Variants in SGIP1 observed in about 807,000 individuals in gnomAD.
SGIP1 encodes SH3-containing GRB2-like protein 3-interacting protein 1.
SGIP1 carries 38 observed loss-of-function variants against 107.5 expected under a neutral mutation model. The ratio of observed to expected loss-of-function variants is 0.35; its 90% CI spans 0.27 to 0.46. The LOEUF is 0.46. Ranked by LOEUF, SGIP1 falls within the 20% of genes least tolerant of loss-of-function variation. The pLI is 1.00. For synonymous variants in SGIP1, 365 were observed against 366.1 expected (o/e 1.00, Z 0.03); for missense variants, 929 against 1,019.5 (o/e 0.91, Z 1.21).
In SGIP1 at chr1:66,694,810, G is replaced by A. The variant is rs558525324; in HGVS notation, c.1571-624G>A. ...TTTAACTGCTCAGAATTACATGTCCGGTCACTGCTTTTTAATTTAAAAAAT... is the reference window on the plus strand; with the variant it reads ...TTTAACTGCTCAGAATTACATGTCCAGTCACTGCTTTTTAATTTAAAAAAT... On this transcript the variant is annotated intron_variant, in intron 17 of 24. Coordinates refer to ENST00000371037, the MANE Select transcript of SGIP1 (RefSeq NM_032291.4). 3.9e-5 allele frequency: 12 copies of A among 308,066 alleles called. No individual in the cohort carries two copies. In the South Asian group the frequency reaches 6.0e-4, roughly 15 times the overall value. 19.1% of individuals were successfully genotyped at this position (308,066 alleles called of 1,614,324 possible). A position where few individuals can be genotyped will look rare whatever the true frequency, so the allele number is the denominator to read the frequency against.
chr1:66,582,812 A>C (rs1230477345), intron 1 of SGIP1, among the ~76,000 whole-genome samples: 1 of 151,904 alleles, frequency 6.6e-6, no homozygotes, highest in Non-Finnish European at 1.5e-5. Context: ...TGAACAATTT[A>C]GGATTTTGTT....
intron 1 of SGIP1, among the ~76,000 whole-genome samples, chr1:66,597,611 T>C (rs755678829): frequency 6.6e-6 from 1 of 152,172 alleles, no homozygotes; most frequent in Non-Finnish European, 1.5e-5. Context: ...GCACAGAATT[T>C]TCTGAAGATC....
intron 24 of SGIP1, among the ~76,000 whole-genome samples, chr1:66,742,056 C>T (rs1011776251): frequency 6.6e-6 from 1 of 152,134 alleles, no homozygotes; most frequent in Admixed American, 6.5e-5. Flanking sequence ...GGTGAGCCAC[C>T]GCACCCAGCC....
At chr1:66,675,145 C>T (rs953677206) in intron 12 of SGIP1, among the ~76,000 whole-genome samples, 3 of 152,144 alleles carry the variant, frequency 2.0e-5, no homozygotes, top group Admixed American at 2.0e-4. Context: ...CCTACATCTG[C>T]CCGTTTAAGG....
At chr1:66,692,984 C>T (rs80181689) in intron 17 of SGIP1, among the ~76,000 whole-genome samples, 3,121 of 152,120 alleles carry the variant, frequency 0.021, 99 homozygotes, top group African/African-American at 0.071. Context: ...AAGACACCCT[C>T]GATTGAAAAA....
intron 19 of SGIP1, 44 bp from the exon 20 acceptor site, chr1:66,729,220 C>A: frequency 6.3e-7 from 1 of 1,598,694 alleles, no homozygotes; most frequent in Non-Finnish European, 8.5e-7. Flanking sequence ...AGTGTATTGA[C>A]ATGGATTTTC....
intron 21 of SGIP1, among the ~76,000 whole-genome samples, chr1:66,737,604 A>T (rs1380864338): frequency 2.0e-5 from 3 of 152,188 alleles, no homozygotes; most frequent in Admixed American, 2.0e-4. Context: ...CTGGCCACTG[A>T]CCTCAGGTGC....
At chr1:66,640,152 A>G (rs2076508122) in intron 5 of SGIP1, among the ~76,000 whole-genome samples, 1 of 152,162 alleles carries the variant, frequency 6.6e-6, no homozygotes, top group Non-Finnish European at 1.5e-5. Context: ...GGGAAGCCAA[A>G]AGATTGGACA....
intron 24 of SGIP1, among the ~76,000 whole-genome samples, chr1:66,742,370 A>C (rs1416209726): frequency 2.1e-5 from 3 of 144,250 alleles, no homozygotes; most frequent in African/African-American, 7.7e-5. Context: ...TGGTTTTTTT[A>C]TGTCTATTGT....
intron 17 of SGIP1, 96 bp downstream of exon 17, chr1:66,690,412 TTGTTTTGCTGTG>T (rs1571876746): frequency 3.9e-6 from 6 of 1,532,744 alleles, no homozygotes; most frequent in Non-Finnish European, 5.3e-6. Context: ...CTGGTTGAAA[TTGTTTTGCTGTG>T]TGTTTTGCTA....
intron 13 of SGIP1, among the ~76,000 whole-genome samples, chr1:66,679,069 G>A (rs1321635458): frequency 6.6e-6 from 1 of 152,232 alleles, no homozygotes; most frequent in Admixed American, 6.5e-5. Flanking sequence ...TGATTTGGCT[G>A]TAATTTTTGT....
chr1:66,723,478 T>G (rs896479040), intron 19 of SGIP1, among the ~76,000 whole-genome samples: 1 of 152,214 alleles, frequency 6.6e-6, no homozygotes, highest in East Asian at 1.9e-4. Flanking sequence ...CTCCCGCTAT[T>G]AGTTCCTATT....
Position 66,682,172 on chromosome 1 carries a change from C to T in SGIP1, c.1118C>T (p.Pro373Leu), listed in dbSNP as rs775231208. The T allele has an allele frequency of 2.0e-5, 33 of 1,614,070 alleles. No homozygotes were observed. The highest frequency in any genetic ancestry group is 4.5e-5 in the East Asian group (2 of 44,882). Residue 373 changes from proline (P) to leucine (L), a missense_variant, in exon 15 of 25, where the codon CCG becomes CTG. By Grantham distance (98) the Pro-to-Leu change is moderately conservative. This residue lies in a region of SGIP1 where 588 missense variants were observed against 588.6 expected (regional missense o/e 1.00). Coordinates refer to ENST00000371037, the MANE Select transcript of SGIP1 (RefSeq NM_032291.4). ...PPGPPRNVLS[P>L]LNLEEVQKKV... is the part of the protein sequence containing the mutation. Reference sequence around the variant, plus strand: ...GGGCCTCCTCGCAATGTACTATCGCCGCTCAATTTAGAAGAAGTCCAGAAG... The same window carrying T: ...GGGCCTCCTCGCAATGTACTATCGCTGCTCAATTTAGAAGAAGTCCAGAAG...
chr1:66,737,113 A>G (rs929984484), intron 21 of SGIP1, among the ~76,000 whole-genome samples: 1 of 152,304 alleles, frequency 6.6e-6, no homozygotes, highest in African/African-American at 2.4e-5. Flanking sequence ...GGAAATAAGA[A>G]AGGAAAACTC....
chr1:66,639,788 T>A lies in SGIP1; in HGVS notation c.183T>A (p.Asn61Lys), dbSNP rs762812337. The A allele has an allele frequency of 6.2e-7, 1 of 1,611,640 alleles. No homozygotes were observed. The highest frequency in any genetic ancestry group is 8.5e-7 in the Non-Finnish European group (1 of 1,178,572). ...EGGKKVSKKSNGAPNGFYAEI... is the reference protein window; with the variant it reads ...EGGKKVSKKSKGAPNGFYAEI... Reference sequence around the variant, plus strand: ...CAAATTTATTACAGAAGAAAAGCAATGGGGCACCAAATGGATTTTATGCGG... The same window carrying A: ...CAAATTTATTACAGAAGAAAAGCAAAGGGGCACCAAATGGATTTTATGCGG... The change falls in exon 5 of 25, where the codon AAT (asparagine) becomes AAA (lysine). Residue 61 changes from asparagine to lysine, a missense_variant. By Grantham distance (94) the Asn-to-Lys change is moderately conservative (BLOSUM62 0). Transcript: ENST00000371037.
chr1:66,646,592 T>C (rs1323398888), intron 7 of SGIP1, among the ~76,000 whole-genome samples: 1 of 152,224 alleles, frequency 6.6e-6, no homozygotes, highest in Non-Finnish European at 1.5e-5. Flanking sequence ...TTGGTTTTAT[T>C]ATACTTGAAT....
At chr1:66,654,118 G>A (rs2079253036) in intron 7 of SGIP1, among the ~76,000 whole-genome samples, 1 of 152,126 alleles carries the variant, frequency 6.6e-6, no homozygotes, top group Non-Finnish European at 1.5e-5. Context: ...TGCACCACGG[G>A]ACATTATATA....
intron 1 of SGIP1, among the ~76,000 whole-genome samples, chr1:66,599,534 ACTCT>A (rs1295455227): frequency 6.6e-6 from 1 of 152,004 alleles, no homozygotes; most frequent in Non-Finnish European, 1.5e-5. Flanking sequence ...ACAAAGCTGT[ACTCT>A]CTCTCCAAAT....
At chr1:66,704,500 G>C (rs1031109503) in intron 18 of SGIP1, 1 of 152,174 alleles carries the variant, frequency 6.6e-6, no homozygotes, top group Admixed American at 6.6e-5. Context: ...TAAAGGATTT[G>C]TAAATCATAG....
Sources: gnomAD v4.1 joint callset for allele counts (sites outside exome capture counted in the v4.1 genomes callset) on GRCh38, gnomAD v4.1.1 for gene constraint, gnomAD v4.1.1 regional missense constraint, MANE v1.5 for transcripts, NCBI Gene and HGNC (gene_info 2026-07-23, HGNC 2026-07-21) for gene names.